The following TTC9 variants were observed in gnomAD, a reference collection of about 807,000 sequenced individuals.
TTC9 encodes the protein tetratricopeptide repeat protein 9A.
In TTC9, 13 loss-of-function variants were observed where a neutral mutation model predicts 22.9. The ratio of observed to expected loss-of-function variants is 0.57; its 90% CI spans 0.37 to 0.90. TTC9 has a LOEUF of 0.90. TTC9 is among the 40% of genes least tolerant of loss of function. The pLI is 0.01. For missense variants in TTC9, 280 were observed against 291.8 expected (o/e 0.96, Z 0.29); for synonymous variants, 148 against 133.2 (o/e 1.11, Z -0.77).
intron 1 of TTC9, among the ~76,000 whole-genome samples, chr14:70,659,042 C>G (rs1430996746): frequency 1.3e-5 from 2 of 151,528 alleles, no homozygotes; most frequent in African/African-American, 4.9e-5. Context: ...TAGCAGTTGT[C>G]AGGGGTTAAA....
intron 1 of TTC9, among the ~76,000 whole-genome samples, chr14:70,649,686 C>T (rs1039559567): frequency 1.3e-5 from 2 of 152,204 alleles, no homozygotes; most frequent in Admixed American, 1.3e-4. Context: ...CATCAATATT[C>T]TACTCTTTGA....
chr14:70,657,538 G>A (rs1485959572), intron 1 of TTC9, among the ~76,000 whole-genome samples: 1 of 152,246 alleles, frequency 6.6e-6, no homozygotes, highest in African/African-American at 2.4e-5. Context: ...AGAAATTAAT[G>A]TGAATGGAAT....
rs1886301441 is a variant in TTC9 at position 70,671,840 on chromosome 14, C to G, written c.*685C>G. 1 of 152,376 alleles carries G rather than the reference C, an allele frequency of 6.6e-6. No homozygotes were observed. The allele number at this position is 152,376 out of a possible 1,614,324, so 9.4% of individuals were successfully genotyped here. A position where few individuals can be genotyped will look rare whatever the true frequency, so the allele number is the denominator to read the frequency against. ...CTCTGGTGACCACACATACCATTCC[C>G]CCGGACTCCCACCCAGCAGGCAGCT... On this transcript the variant is annotated 3_prime_UTR_variant, in exon 3 of 3. Transcript: ENST00000256367.
At chr14:70,653,783 A>G (rs1886019235) in intron 1 of TTC9, among the ~76,000 whole-genome samples, 1 of 152,220 alleles carries the variant, frequency 6.6e-6, no homozygotes, top group Non-Finnish European at 1.5e-5. Context: ...TGAGAATCTG[A>G]CAGCGGAAAA....
rs777946984 is a variant in TTC9 at position 70,671,358 on chromosome 14, C to A, written c.*203C>A. 93 of 496,200 alleles carry A rather than the reference C, an allele frequency of 1.9e-4. No individual in the cohort carries two copies. The highest frequency in any genetic ancestry group is 3.1e-4 in the Non-Finnish European group (84 of 272,150). 30.7% of individuals were successfully genotyped at this position (496,200 alleles called of 1,614,324 possible). Reference sequence around the variant, plus strand: ...TTTGGAATCTGGTAGGTCGCCCAGACAATGGAGACATCCTCTCCTCTAGCA... The same window carrying A: ...TTTGGAATCTGGTAGGTCGCCCAGAAAATGGAGACATCCTCTCCTCTAGCA... On this transcript the variant is annotated 3_prime_UTR_variant, in exon 3 of 3. Coordinates refer to ENST00000256367, the MANE Select transcript of TTC9 (RefSeq NM_015351.2).
chr14:70,667,292 G>A (rs943440676), intron 1 of TTC9, among the ~76,000 whole-genome samples: 6 of 152,196 alleles, frequency 3.9e-5, no homozygotes, highest in Non-Finnish European at 8.8e-5. Flanking sequence ...TGTACTGCAG[G>A]TTAGGACTTC....
intron 1 of TTC9, among the ~76,000 whole-genome samples, chr14:70,651,754 A>G (rs1885987618): frequency 6.6e-6 from 1 of 152,182 alleles, no homozygotes; most frequent in Non-Finnish European, 1.5e-5. Context: ...TGTTAGTCAT[A>G]TGTCTCTGGT....
At chr14:70,659,134 A>G (rs61980471) in intron 1 of TTC9, among the ~76,000 whole-genome samples, 199 of 103,196 alleles carry the variant, frequency 1.9e-3, no homozygotes, top group South Asian at 4.8e-3. Flanking sequence ...ACACACACGC[A>G]CACACACACA....
In TTC9 at chr14:70,653,925, C is replaced by G. The variant is rs552576477; in HGVS notation, c.406+11390C>G. Among the ~76,000 whole-genome samples, 80 of 152,290 alleles carry G rather than the reference C, an allele frequency of 5.3e-4. 1 individual carries two copies. Among genetic ancestry groups the G allele is most frequent in the South Asian group, 4.4e-3 (21 of 4,816 alleles). Reference sequence around the variant, plus strand: ...GGCAGAGGCTCATAGAAGGAGACATCCGACAGAGAAGCCATGGGGCTGGCA... The same window carrying G: ...GGCAGAGGCTCATAGAAGGAGACATGCGACAGAGAAGCCATGGGGCTGGCA... On this transcript the variant is annotated intron_variant, in intron 1 of 2. Transcript: ENST00000256367.
intron 1 of TTC9, among the ~76,000 whole-genome samples, chr14:70,654,587 CAAAAAAAAAAA>C (rs61046584): frequency 4.5e-4 from 26 of 57,156 alleles, no homozygotes; most frequent in Admixed American, 2.7e-3. Flanking sequence ...GGCTCTGTCT[CAAAAAAAAAAA>C]AAAAAAAAAA....
chr14:70,671,912 T>C lies in TTC9; in HGVS notation c.*757T>C, dbSNP rs1886302547. The C allele has an allele frequency of 6.6e-6, 1 of 152,566 alleles. No individual in the cohort carries two copies. Among genetic ancestry groups the C allele is most frequent in the Non-Finnish European group, 1.5e-5 (1 of 68,440 alleles). 9.5% of individuals were successfully genotyped at this position (152,566 alleles called of 1,614,324 possible). ...GAAGTGGGCCAAGGTTTGGGACAGG[T>C]TGACTGTGTAGGTGACAGGGAGGGA... On this transcript the variant is annotated 3_prime_UTR_variant, in exon 3 of 3. Coordinates refer to ENST00000256367, the MANE Select transcript of TTC9 (RefSeq NM_015351.2).
intron 2 of TTC9, among the ~76,000 whole-genome samples, chr14:70,668,922 C>T (rs143859306): frequency 1.3e-5 from 2 of 150,920 alleles, no homozygotes; most frequent in African/African-American, 2.4e-5. Context: ...TTTGGGAGGC[C>T]GAGGTGGGTG....
intron 1 of TTC9, among the ~76,000 whole-genome samples, chr14:70,643,014 C>G (rs1472039754): frequency 2.0e-5 from 3 of 152,212 alleles, no homozygotes; most frequent in African/African-American, 7.2e-5. Flanking sequence ...TAAGATCTTC[C>G]CCAAGTTTTT....
chr14:70,673,314 A>T lies in TTC9; in HGVS notation c.*2159A>T, dbSNP rs892219286. On this transcript the variant is annotated 3_prime_UTR_variant, in exon 3 of 3. Coordinates refer to ENST00000256367, the MANE Select transcript of TTC9 (RefSeq NM_015351.2). ...CGAGGGGCCCAGAAGAGAGCAGCGT[A>T]AGTTATATTCACATAGTTCCCCAAA... 1 of 152,240 alleles carries T rather than the reference A, an allele frequency of 6.6e-6. No homozygotes were observed. The highest frequency in any genetic ancestry group is 2.4e-5 in the African/African-American group (1 of 41,452). The allele number at this position is 152,240 out of a possible 1,614,324, so 9.4% of individuals were successfully genotyped here. A position where few individuals can be genotyped will look rare whatever the true frequency, so the allele number is the denominator to read the frequency against.
At chr14:70,647,061 G>C (rs1363624371) in intron 1 of TTC9, among the ~76,000 whole-genome samples, 1 of 152,096 alleles carries the variant, frequency 6.6e-6, no homozygotes, top group East Asian at 1.9e-4. Context: ...TTTGCTATTT[G>C]ATGTCATTGC....
At chr14:70,646,713 A>G (rs1159640293) in intron 1 of TTC9, among the ~76,000 whole-genome samples, 2 of 151,486 alleles carry the variant, frequency 1.3e-5, no homozygotes, top group Non-Finnish European at 3.0e-5. Context: ...AGCTATGTTT[A>G]GGAGATTTTT....
At chr14:70,659,072 AAGG>A (rs1953309958) in intron 1 of TTC9, among the ~76,000 whole-genome samples, 1 of 151,788 alleles carries the variant, frequency 6.6e-6, no homozygotes, top group Admixed American at 6.6e-5. Context: ...GTGGGACAGG[AAGG>A]AGATGATAGA....
Position 70,671,436 on chromosome 14 carries a change from T to C in TTC9, c.*281T>C. 2.8e-6 allele frequency: 1 copy of C among 356,966 alleles called. No individual in the cohort carries two copies. Among genetic ancestry groups the C allele is most frequent in the South Asian group, 2.8e-5 (1 of 35,882 alleles). 22.1% of individuals were successfully genotyped at this position (356,966 alleles called of 1,614,324 possible). A position where few individuals can be genotyped will look rare whatever the true frequency, so the allele number is the denominator to read the frequency against. On this transcript the variant is annotated 3_prime_UTR_variant, in exon 3 of 3. Coordinates refer to ENST00000256367, the MANE Select transcript of TTC9 (RefSeq NM_015351.2). Reference sequence around the variant, plus strand: ...CTGCTGGGACAGCTGGAGAGGAGTCTCATGGGCTGGGATGCTGTTGTGGCT... The same window carrying C: ...CTGCTGGGACAGCTGGAGAGGAGTCCCATGGGCTGGGATGCTGTTGTGGCT...
chr14:70,667,425 A>T (rs1297444990), intron 1 of TTC9, 139 bp from the exon 2 acceptor site: 5 of 847,656 alleles, frequency 5.9e-6, no homozygotes, highest in South Asian at 1.7e-5. Flanking sequence ...GGCTAGGATT[A>T]TTGGAAGACA....
Sources: allele counts gnomAD v4.1 joint callset (sites outside exome capture counted in the v4.1 genomes callset), GRCh38; gene constraint gnomAD v4.1.1; transcripts MANE v1.5; gene names NCBI Gene and HGNC (gene_info 2026-07-23, HGNC 2026-07-21).